Variants in CDYL2 observed in about 807,000 individuals in gnomAD.
CDYL2 encodes chromodomain Y-like protein 2.
Under a neutral mutation model 49.4 loss-of-function variants are expected in CDYL2, and 23 were observed. The observed-to-expected ratio is 0.47, with a 90% CI of 0.34 to 0.66. The LOEUF (loss-of-function observed/expected upper bound fraction) is 0.66. Among genes scored for constraint, CDYL2 ranks in the 30% least tolerant of loss-of-function variants. CDYL2 has a pLI of 0.01. For missense variants in CDYL2, 678 were observed against 656.4 expected, an observed-to-expected ratio of 1.03 and a Z score of -0.36; for synonymous variants, 360 against 268.8, an observed-to-expected ratio of 1.34 and a Z score of -3.32.
chr16:80,770,495 C>G (rs530327862), intron 1 of CDYL2, among the ~76,000 whole-genome samples: 1 of 152,200 alleles, frequency 6.6e-6, no homozygotes, highest in African/African-American at 2.4e-5. Flanking sequence ...AATACATTTT[C>G]TATTTTCAGA....
chr16:80,688,877 G>C (rs1327635508), intron 1 of CDYL2, among the ~76,000 whole-genome samples: 1 of 152,098 alleles, frequency 6.6e-6, no homozygotes, highest in African/African-American at 2.4e-5. Flanking sequence ...TTCCTGCACT[G>C]TCTCATAACT....
At chr16:80,719,470 T>A (rs1403528201) in intron 1 of CDYL2, among the ~76,000 whole-genome samples, 2 of 152,168 alleles carry the variant, frequency 1.3e-5, no homozygotes, top group East Asian at 3.9e-4. Flanking sequence ...ATTTTCTACA[T>A]CATCATGGAG....
chr16:80,735,268 G>C (rs1277409962), intron 1 of CDYL2: 1 of 152,128 alleles, frequency 6.6e-6, no homozygotes, highest in Non-Finnish European at 1.5e-5. Flanking sequence ...AAGCCACAAA[G>C]AAAATTCATA....
chr16:80,706,080 A>G (rs1904394471), intron 1 of CDYL2, among the ~76,000 whole-genome samples: 1 of 152,252 alleles, frequency 6.6e-6, no homozygotes. Flanking sequence ...AGACTGATGG[A>G]AAAGTGTTCA....
In CDYL2 at chr16:80,598,311, T is replaced by G. The variant is rs1312137395; in HGVS notation, c.*6077A>C. 1.3e-5 allele frequency: 2 copies of G among 151,976 alleles called. No individual in the cohort carries two copies. Among genetic ancestry groups the G allele is most frequent in the South Asian group, 2.1e-4 (1 of 4,792 alleles). The allele number at this position is 151,976 out of a possible 1,614,324, so 9.4% of individuals were successfully genotyped here. ...TACATCCATGATCAAATCCAAACAC[T>G]CCTAGGGTGGGCTGGATAAGTTTTT... On this transcript the variant is annotated 3_prime_UTR_variant, in exon 7 of 7. Coordinates refer to ENST00000570137, the MANE Select transcript of CDYL2 (RefSeq NM_152342.4).
At chr16:80,735,087 C>T (rs1430009628) in intron 1 of CDYL2, 1 of 152,230 alleles carries the variant, frequency 6.6e-6, no homozygotes, top group African/African-American at 2.4e-5. Flanking sequence ...TTCTCCCAGC[C>T]ATGCCTCTTG....
chr16:80,740,105 G>A (rs1905682814), intron 1 of CDYL2, among the ~76,000 whole-genome samples: 3 of 152,176 alleles, frequency 2.0e-5, no homozygotes, highest in Non-Finnish European at 4.4e-5. Context: ...AGAAAAAGAG[G>A]CTGACTAAAT....
At chr16:80,707,344 T>G (rs913520380) in intron 1 of CDYL2, among the ~76,000 whole-genome samples, 1 of 151,948 alleles carries the variant, frequency 6.6e-6, no homozygotes, top group Non-Finnish European at 1.5e-5. Flanking sequence ...CGTGTGTCTG[T>G]CCTATACTTG....
intron 1 of CDYL2, among the ~76,000 whole-genome samples, chr16:80,691,035 C>A (rs1211698290): frequency 6.6e-6 from 1 of 152,064 alleles, no homozygotes; most frequent in South Asian, 2.1e-4. Flanking sequence ...ATGTCTTGGT[C>A]TCTGGGAGCA....
intron 1 of CDYL2, among the ~76,000 whole-genome samples, chr16:80,718,861 G>T (rs1427100952): frequency 6.6e-6 from 1 of 152,196 alleles, no homozygotes; most frequent in Non-Finnish European, 1.5e-5. Context: ...AGCGCCTGGG[G>T]TCTAGAGACA....
intron 1 of CDYL2, among the ~76,000 whole-genome samples, chr16:80,726,518 A>G (rs528402852): frequency 6.6e-6 from 1 of 152,362 alleles, no homozygotes; most frequent in East Asian, 1.9e-4. Flanking sequence ...AAAGCTTGAC[A>G]TGCAATACAT....
chr16:80,645,652 T>G (rs970646289), intron 2 of CDYL2, among the ~76,000 whole-genome samples: 5 of 152,138 alleles, frequency 3.3e-5, no homozygotes, highest in Non-Finnish European at 5.9e-5. Context: ...TCCAAAGGAT[T>G]ATAAATCATG....
intron 4 of CDYL2, among the ~76,000 whole-genome samples, chr16:80,617,504 C>A (rs1906884440): frequency 4.6e-5 from 7 of 152,218 alleles, no homozygotes; most frequent in Admixed American, 4.6e-4. Context: ...CAGGACACCC[C>A]TCTGGAAATC....
intron 1 of CDYL2, among the ~76,000 whole-genome samples, chr16:80,704,728 C>A (rs1189127710): frequency 6.6e-6 from 1 of 152,150 alleles, no homozygotes; most frequent in Non-Finnish European, 1.5e-5. Context: ...AGAGAATGTG[C>A]AAATGCTCTG....
At chr16:80,753,581 C>G (rs1455421709) in intron 1 of CDYL2, among the ~76,000 whole-genome samples, 1 of 152,020 alleles carries the variant, frequency 6.6e-6, no homozygotes, top group Non-Finnish European at 1.5e-5. Flanking sequence ...GTACTACAGC[C>G]TGGGCAATGA....
chr16:80,803,362 C>A (rs1276646164), intron 1 of CDYL2, among the ~76,000 whole-genome samples: 1 of 152,178 alleles, frequency 6.6e-6, no homozygotes, highest in African/African-American at 2.4e-5. Context: ...GGGCGCTGGG[C>A]TGGCATCTGT....
At chr16:80,706,636 C>A (rs1904414697) in intron 1 of CDYL2, among the ~76,000 whole-genome samples, 1 of 152,168 alleles carries the variant, frequency 6.6e-6, no homozygotes, top group South Asian at 2.1e-4. Flanking sequence ...CCTCCTCCTG[C>A]ACAAAAGTGA....
chr16:80,745,317 C>A (rs909711275), intron 1 of CDYL2, among the ~76,000 whole-genome samples: 5 of 152,178 alleles, frequency 3.3e-5, no homozygotes, highest in African/African-American at 9.6e-5. Context: ...AAGCCGATCA[C>A]CATTCCCTAT....
At position 80,599,311 on chromosome 16, in the gene CDYL2, G is replaced by C. The variant is rs1389296136; in HGVS notation, c.*5077C>G. On this transcript the variant is annotated 3_prime_UTR_variant, in exon 7 of 7. Transcript: ENST00000570137. ...AGATGAACCAAATAACTTGATTTTAGCCATATGATAGCCCTGGACTACTTT... is the reference window on the plus strand; with the variant it reads ...AGATGAACCAAATAACTTGATTTTACCCATATGATAGCCCTGGACTACTTT... 6.6e-6 allele frequency: 1 copy of C among 152,136 alleles called. No homozygotes were observed. The highest frequency in any genetic ancestry group is 2.4e-5 in the African/African-American group (1 of 41,430). The allele number at this position is 152,136 out of a possible 1,614,324, so 9.4% of individuals were successfully genotyped here. A position where few individuals can be genotyped will look rare whatever the true frequency, so the allele number is the denominator to read the frequency against.
Sources: allele counts gnomAD v4.1 joint callset (sites outside exome capture counted in the v4.1 genomes callset), GRCh38; gene constraint gnomAD v4.1.1; transcripts MANE v1.5; gene names NCBI Gene and HGNC (gene_info 2026-07-23, HGNC 2026-07-21).